KCNJ2: variants seen among roughly 807,000 people sequenced by gnomAD.
The protein encoded by KCNJ2 is potassium inwardly rectifying channel subfamily J member 2.
In KCNJ2, 12 loss-of-function variants were observed where a neutral mutation model predicts 28.4. The observed-to-expected ratio is 0.42, with a 90% CI of 0.27 to 0.68. The LOEUF is 0.68. Ranked by LOEUF, KCNJ2 falls within the 30% of genes least tolerant of loss-of-function variation. The pLI, the probability that KCNJ2 is intolerant of heterozygous loss-of-function variation, is 0.23. For missense variants in KCNJ2, 320 were observed against 551.3 expected (o/e 0.58, Z 4.20); for synonymous variants, 200 against 203.2 (o/e 0.98, Z 0.13).
chr17:70,174,946 C>A lies in KCNJ2; in HGVS notation c.-94C>A. On this transcript the variant is annotated 5_prime_UTR_variant, in exon 2 of 2. Transcript: ENST00000243457. ...CTCCTCATTTTTTTGGTGTGTGTGTCTTCACCGAACATTCAAAACTGTTTC... is the reference window on the plus strand; with the variant it reads ...CTCCTCATTTTTTTGGTGTGTGTGTATTCACCGAACATTCAAAACTGTTTC... 1 of 1,250,634 alleles carries A rather than the reference C, an allele frequency of 8.0e-7. No homozygotes were observed. Among genetic ancestry groups the A allele is most frequent in the Non-Finnish European group, 1.1e-6 (1 of 873,786 alleles). 77.5% of individuals were successfully genotyped at this position (1,250,634 alleles called of 1,614,324 possible).
chr17:70,177,239 C>G lies in KCNJ2; in HGVS notation c.*916C>G. 1 of 167,030 alleles carries G rather than the reference C, an allele frequency of 6.0e-6. No homozygotes were observed. 10.3% of individuals were successfully genotyped at this position (167,030 alleles called of 1,614,324 possible). Reference sequence around the variant, plus strand: ...GTGTAGTGCTTTTAAAAATTTTGTCCTTTCATGTAACTTTTTTATTTTAAG... The same window carrying G: ...GTGTAGTGCTTTTAAAAATTTTGTCGTTTCATGTAACTTTTTTATTTTAAG... On this transcript the variant is annotated 3_prime_UTR_variant, in exon 2 of 2. Coordinates refer to ENST00000243457, the MANE Select transcript of KCNJ2 (RefSeq NM_000891.3).
Position 70,175,132 on chromosome 17 carries a change from G to A in KCNJ2, c.93G>A (p.Gly31=), listed in dbSNP as rs1202288240. 1.9e-6 allele frequency: 3 copies of A among 1,614,058 alleles called. No homozygotes were observed. The highest frequency in any genetic ancestry group is 2.7e-5 in the African/African-American group (2 of 74,910). Residue 31 remains glycine (G), a synonymous_variant, in exon 2 of 2, where the codon GGG becomes GGA. Coordinates refer to ENST00000243457, the MANE Select transcript of KCNJ2 (RefSeq NM_000891.3). The surrounding 1 kb of genome is among the most constrained non-coding windows in gnomAD (Gnocchi z 8.3). Reference sequence around the variant, plus strand: ...CCATGGCAGTTGCAAATGGCTTTGGGAACGGGAAGAGTAAAGTCCACACCC... The same window carrying A: ...CCATGGCAGTTGCAAATGGCTTTGGAAACGGGAAGAGTAAAGTCCACACCC... ...LATMAVANGF[G]NGKSKVHTRQ...
In KCNJ2 at chr17:70,174,866, G is replaced by A; in HGVS notation, c.-174G>A. The A allele has an allele frequency of 1.5e-6, 1 of 681,706 alleles. No individual in the cohort carries two copies. The highest frequency in any genetic ancestry group is 2.6e-6 in the Non-Finnish European group (1 of 380,080). The allele number at this position is 681,706 out of a possible 1,614,324, so 42.2% of individuals were successfully genotyped here. On this transcript the variant is annotated 5_prime_UTR_variant, in exon 2 of 2. Coordinates refer to ENST00000243457, the MANE Select transcript of KCNJ2 (RefSeq NM_000891.3). ...TCAGCTGAGTCATTAAAGTAACTCT[G>A]CATGTCAGTAGACAGACCTTGGTAG...
rs1415535173 is a variant in KCNJ2 at position 70,174,861 on chromosome 17, ACT to A, written c.-176_-175del. The A allele has an allele frequency of 3.4e-5, 23 of 668,600 alleles. No individual in the cohort carries two copies. In the Admixed American group the frequency reaches 5.1e-4, roughly 15 times the overall value. 41.4% of individuals were successfully genotyped at this position (668,600 alleles called of 1,614,324 possible). ...GGATGTCAGCTGAGTCATTAAAGTA[ACT>A]CTGCATGTCAGTAGACAGACCTTGG... On this transcript the variant is annotated 5_prime_UTR_variant, in exon 2 of 2. Transcript: ENST00000243457.
intron 1 of KCNJ2, among the ~76,000 whole-genome samples, chr17:70,172,304 C>CT (rs1181622825): frequency 2.8e-4 from 7 of 25,038 alleles, no homozygotes; most frequent in African/African-American, 1.1e-3. Flanking sequence ...CAAAAGTTTT[C>CT]TTTTTGCCAA....
At position 70,174,978 on chromosome 17, in the gene KCNJ2, G is replaced by A. The variant is rs992586557; in HGVS notation, c.-62G>A. ...GAACATTCAAAACTGTTTCTCCAAA[G>A]CGTTTTGCAAAAACTCAGACTGTTT... On this transcript the variant is annotated 5_prime_UTR_variant, in exon 2 of 2. Coordinates refer to ENST00000243457, the MANE Select transcript of KCNJ2 (RefSeq NM_000891.3). 14 of 1,531,332 alleles carry A rather than the reference G, an allele frequency of 9.1e-6. No individual in the cohort carries two copies. The Admixed American group carries it at 1.9e-4, about 21-fold the overall frequency. The allele number at this position is 1,531,332 out of a possible 1,614,324, so 94.9% of individuals were successfully genotyped here. A position where few individuals can be genotyped will look rare whatever the true frequency, so the allele number is the denominator to read the frequency against.
intron 1 of KCNJ2, among the ~76,000 whole-genome samples, chr17:70,174,139 G>A (rs1175704456): frequency 6.6e-6 from 1 of 152,130 alleles, no homozygotes; most frequent in East Asian, 1.9e-4. Context: ...CATCGTAGGA[G>A]GTTTTGTCCA....
Position 70,176,210 on chromosome 17 carries a change from G to T in KCNJ2, c.1171G>T (p.Glu391Ter). The T allele has an allele frequency of 6.2e-7, 1 of 1,614,058 alleles. No individual in the cohort carries two copies. Among genetic ancestry groups the T allele is most frequent in the Non-Finnish European group, 8.5e-7 (1 of 1,180,002 alleles). The change falls in exon 2 of 2, where the codon GAA becomes TAA. Residue 391 changes from glutamate (E) to a stop codon, truncating the protein, a stop_gained. Coordinates refer to ENST00000243457, the MANE Select transcript of KCNJ2 (RefSeq NM_000891.3). LOFTEE classifies it high-confidence loss of function. ...CACAAGCAAAGAGGAAGACGACAGT[G>T]AAAATGGAGTTCCAGAAAGCACTAG... ...ALTSKEEDDS[E>*]NGVPESTSTD...
intron 1 of KCNJ2, among the ~76,000 whole-genome samples, chr17:70,170,321 A>T (rs1365750624): frequency 6.6e-6 from 1 of 152,118 alleles, no homozygotes; most frequent in Non-Finnish European, 1.5e-5. Context: ...TCCCCTAACC[A>T]ATTTGTTATT....
rs904761645 is a variant in KCNJ2 at position 70,176,581 on chromosome 17, T to C, written c.*258T>C. The stretch of plus-strand genomic sequence containing the variant: ...GGGTTTTTATGTTTTGTTTTGTGTT[T>C]TTCCAAAACTTGAACTTGCAGGCAA... On this transcript the variant is annotated 3_prime_UTR_variant, in exon 2 of 2. Coordinates refer to ENST00000243457, the MANE Select transcript of KCNJ2 (RefSeq NM_000891.3). 9.4e-6 allele frequency: 5 copies of C among 531,472 alleles called. No homozygotes were observed. The highest frequency in any genetic ancestry group is 1.7e-5 in the Non-Finnish European group (5 of 286,726). 32.9% of individuals were successfully genotyped at this position (531,472 alleles called of 1,614,324 possible).
intron 1 of KCNJ2, among the ~76,000 whole-genome samples, chr17:70,171,567 A>G (rs2074365155): frequency 6.6e-6 from 1 of 152,062 alleles, no homozygotes; most frequent in South Asian, 2.1e-4. Context: ...TATTGGAAGT[A>G]TTACCTATAT....
Position 70,169,648 on chromosome 17 carries a change from C to A in KCNJ2, c.-270C>A. 1 of 152,846 alleles carries A rather than the reference C, an allele frequency of 6.5e-6. No homozygotes were observed. The highest frequency in any genetic ancestry group is 1.5e-5 in the Non-Finnish European group (1 of 68,476). 9.5% of individuals were successfully genotyped at this position (152,846 alleles called of 1,614,324 possible). On this transcript the variant is annotated 5_prime_UTR_variant, in exon 1 of 2. Transcript: ENST00000243457. ...TTTACAAACCACTGGATCTTACATG[C>A]CTCTGTACCCCCCACTTCCACTCCA...
rs1158334404 is a variant in KCNJ2, at chr17:70,176,371, G to T, written c.*48G>T. ...TAGTTACTTTACAACACGGTCTGTT[G>T]GTCAGAGGCCCAAAACAGTTATACA... On this transcript the variant is annotated 3_prime_UTR_variant, in exon 2 of 2. Coordinates refer to ENST00000243457, the MANE Select transcript of KCNJ2 (RefSeq NM_000891.3). The T allele has an allele frequency of 1.9e-6, 3 of 1,559,594 alleles. No individual in the cohort carries two copies. In the African/African-American group the frequency reaches 4.1e-5, roughly 21 times the overall value.
In KCNJ2 at chr17:70,174,858, G is replaced by A. The variant is rs1170860583; in HGVS notation, c.-182G>A. On this transcript the variant is annotated 5_prime_UTR_variant, in exon 2 of 2. Coordinates refer to ENST00000243457, the MANE Select transcript of KCNJ2 (RefSeq NM_000891.3). ...TCTGGATGTCAGCTGAGTCATTAAA[G>A]TAACTCTGCATGTCAGTAGACAGAC... The A allele has an allele frequency of 4.5e-6, 3 of 665,000 alleles. No homozygotes were observed. Among genetic ancestry groups the A allele is most frequent in the Admixed American group, 4.4e-5 (2 of 45,360 alleles). The allele number at this position is 665,000 out of a possible 1,614,324, so 41.2% of individuals were successfully genotyped here.
Position 70,175,846 on chromosome 17 carries a change from A to G in KCNJ2, c.807A>G (p.Ile269Met). Residue 269 changes from isoleucine (I) to methionine (M), a missense_variant, in exon 2 of 2, where the codon ATA becomes ATG. Physicochemically the swap from Ile to Met is conservative, Grantham distance 10 (BLOSUM62 1). Around this residue, in one of 3 missense-constraint regions of KCNJ2, gnomAD observed 155 missense variants for 231.6 expected, o/e 0.67. Transcript: ENST00000243457. The surrounding 1 kb of genome is among the most constrained non-coding windows in gnomAD (Gnocchi z 8.3). Reference sequence around the variant, plus strand: ...TATTTCTGGTGTCCCCAATCACTATAGTCCATGAAATAGATGAAGACAGTC... The same window carrying G: ...TATTTCTGGTGTCCCCAATCACTATGGTCCATGAAATAGATGAAGACAGTC... The part of the protein sequence containing the change: ...DRIFLVSPIT[I>M]VHEIDEDSPL... 1 of 1,614,202 alleles carries G rather than the reference A, an allele frequency of 6.2e-7. No homozygotes were observed. The highest frequency in any genetic ancestry group is 8.5e-7 in the Non-Finnish European group (1 of 1,180,038).
chr17:70,171,820 A>AT (rs1418816834), intron 1 of KCNJ2, among the ~76,000 whole-genome samples: 1 of 152,210 alleles, frequency 6.6e-6, no homozygotes, highest in Non-Finnish European at 1.5e-5. Flanking sequence ...AAAAATGATT[A>AT]TTTGTGTCCA....
At chr17:70,169,880 C>A (rs2074355439) in intron 1 of KCNJ2, among the ~76,000 whole-genome samples, 179 bp downstream of exon 1, 4 of 152,114 alleles carry the variant, frequency 2.6e-5, no homozygotes, top group Admixed American at 2.6e-4. Context: ...AGTTTGTGTG[C>A]GCACCAGAAC....
chr17:70,177,893 C>T lies in KCNJ2; in HGVS notation c.*1570C>T, dbSNP rs1021531921. ...TACTTATGACTGAATGTGAGCTAAG[C>T]ATTTTCTCCTGTGGAGCCCTAGAGC... On this transcript the variant is annotated 3_prime_UTR_variant, in exon 2 of 2. Coordinates refer to ENST00000243457, the MANE Select transcript of KCNJ2 (RefSeq NM_000891.3). The T allele has an allele frequency of 6.0e-6, 1 of 167,026 alleles. No homozygotes were observed. The highest frequency in any genetic ancestry group is 6.5e-5 in the Admixed American group (1 of 15,278). 10.3% of individuals were successfully genotyped at this position (167,026 alleles called of 1,614,324 possible).
Position 70,176,083 on chromosome 17 carries a change from C to T in KCNJ2, c.1044C>T (p.Tyr348=), listed in dbSNP as rs146330042. The T allele has an allele frequency of 1.3e-4, 203 of 1,614,058 alleles. No individual in the cohort carries two copies. In the African/African-American group the frequency reaches 1.8e-3, roughly 14 times the overall value. The change falls in exon 2 of 2, where the codon TAC becomes TAT. Residue 348 remains tyrosine (Y), a synonymous_variant. Transcript: ENST00000243457. The part of the protein sequence containing the change: ...KVDYSRFHKT[Y]EVPNTPLCSA... ...ACTATTCCAGGTTCCACAAAACTTACGAAGTCCCCAACACTCCCCTTTGTA... is the reference window on the plus strand; with the variant it reads ...ACTATTCCAGGTTCCACAAAACTTATGAAGTCCCCAACACTCCCCTTTGTA...
Sources: gnomAD v4.1 joint callset for allele counts (sites outside exome capture counted in the v4.1 genomes callset) on GRCh38, gnomAD v4.1.1 for gene constraint, gnomAD v4.1.1 regional missense constraint, Gnocchi (gnomAD v3.1) non-coding constraint, MANE v1.5 for transcripts, NCBI Gene and HGNC (gene_info 2026-07-23, HGNC 2026-07-21) for gene names.